The following CENPP variants were observed in gnomAD, a reference collection of about 807,000 sequenced individuals.
CENPP encodes the protein centromere protein P.
In CENPP, 24 loss-of-function variants were observed where a neutral mutation model predicts 35.6. The observed-to-expected ratio is 0.67, with a 90% confidence interval of 0.49 to 0.95. The LOEUF is 0.95. CENPP is among the 40% of genes least tolerant of loss of function. The pLI, the probability that CENPP is intolerant of heterozygous loss-of-function variation, is 0.00. For synonymous variants in CENPP, 120 were observed against 125.5 expected (o/e 0.96, Z 0.29); for missense variants, 332 against 345.3 (o/e 0.96, Z 0.31).
chr9:92,600,332 T>C (rs1300443335), intron 5 of CENPP: 49 of 1,513,632 alleles, frequency 3.2e-5, no homozygotes, highest in Non-Finnish European at 4.0e-5. Context: ...TGTTTGTTTA[T>C]TAAAATTCCC....
intron 5 of CENPP, among the ~76,000 whole-genome samples, chr9:92,426,326 C>T (rs1224451943): frequency 6.6e-6 from 1 of 152,116 alleles, no homozygotes; most frequent in African/African-American, 2.4e-5. Context: ...TATCTCAAAG[C>T]TGAGTGACAC....
At chr9:92,589,356 A>AT (rs201190435) in intron 5 of CENPP, among the ~76,000 whole-genome samples, 15 of 151,084 alleles carry the variant, frequency 9.9e-5, no homozygotes, top group Non-Finnish European at 2.1e-4. Context: ...AAAAAAAAAA[A>AT]TTTTTTTTTA....
At chr9:92,587,818 T>C (rs1332809557) in intron 5 of CENPP, among the ~76,000 whole-genome samples, 2 of 152,062 alleles carry the variant, frequency 1.3e-5, no homozygotes, top group African/African-American at 2.4e-5. Flanking sequence ...GTCACCTAAC[T>C]GATCACTTTA....
intron 5 of CENPP, chr9:92,600,556 G>GA: frequency 6.2e-7 from 1 of 1,612,094 alleles, no homozygotes; most frequent in Non-Finnish European, 8.5e-7. Context: ...GGCACATGGA[G>GA]AATGTTTGGC....
chr9:92,383,553 T>C (rs1842318095), intron 5 of CENPP, among the ~76,000 whole-genome samples: 1 of 152,190 alleles, frequency 6.6e-6, no homozygotes, highest in Non-Finnish European at 1.5e-5. Context: ...ATGAATATAA[T>C]GGAGACAGCA....
intron 5 of CENPP, among the ~76,000 whole-genome samples, chr9:92,488,389 T>G (rs1846109050): frequency 6.6e-6 from 1 of 152,188 alleles, no homozygotes; most frequent in Admixed American, 6.5e-5. Flanking sequence ...AATTAAGATG[T>G]TACGTTAGAC....
intron 5 of CENPP, among the ~76,000 whole-genome samples, chr9:92,421,969 A>G (rs1402404875): frequency 6.6e-6 from 1 of 152,104 alleles, no homozygotes; most frequent in Non-Finnish European, 1.5e-5. Flanking sequence ...GATATAGAAT[A>G]TTCTATACAT....
At chr9:92,530,544 ATAAT>A (rs1201124042) in intron 5 of CENPP, among the ~76,000 whole-genome samples, 1 of 152,180 alleles carries the variant, frequency 6.6e-6, no homozygotes, top group Non-Finnish European at 1.5e-5. Flanking sequence ...AATTGTCCTA[ATAAT>A]TTGCCTTGTT....
At position 92,618,115 on chromosome 9, in the gene CENPP, A is replaced by G. The variant is rs1439127134; in HGVS notation, c.*4966A>G. 5.0e-6 allele frequency: 2 copies of G among 399,688 alleles called. No homozygotes were observed. The highest frequency in any genetic ancestry group is 1.0e-5 in the Non-Finnish European group (2 of 198,882). The allele number at this position is 399,688 out of a possible 1,614,324, so 24.8% of individuals were successfully genotyped here. A position where few individuals can be genotyped will look rare whatever the true frequency, so the allele number is the denominator to read the frequency against. On this transcript the variant is annotated 3_prime_UTR_variant, in exon 8 of 8. Transcript: ENST00000375587. ...TTACTGGAACTTCACAGGTGCGGCC[A>G]CTGCGCACACCTTCCTGGAAGCAGG...
intron 5 of CENPP, among the ~76,000 whole-genome samples, chr9:92,458,490 A>G (rs1006412558): frequency 1.3e-5 from 2 of 152,208 alleles, no homozygotes; most frequent in African/African-American, 4.8e-5. Flanking sequence ...GCTGCTCAAT[A>G]TAAGTGCAAG....
chr9:92,567,380 A>C (rs933232791), intron 5 of CENPP, among the ~76,000 whole-genome samples: 5 of 92,732 alleles, frequency 5.4e-5, no homozygotes, highest in African/African-American at 2.8e-4. Flanking sequence ...ATAGATATAT[A>C]TATATATATA....
chr9:92,514,863 A>ATCCTCCTCC (rs752071573), intron 5 of CENPP: 4 of 1,608,102 alleles, frequency 2.5e-6, no homozygotes, highest in East Asian at 4.5e-5. Context: ...CCTCCTCCTC[A>ATCCTCCTCC]TCCTCCTCCT....
chr9:92,340,729 C>T (rs564532443), intron 3 of CENPP, among the ~76,000 whole-genome samples: 75 of 152,148 alleles, frequency 4.9e-4, no homozygotes, highest in Non-Finnish European at 9.6e-4. Flanking sequence ...TTTCCTATGC[C>T]TGTCTTTACT....
At position 92,619,084 on chromosome 9, in the gene CENPP, A is replaced by T. The variant is rs535839057; in HGVS notation, c.*5935A>T. On this transcript the variant is annotated 3_prime_UTR_variant, in exon 8 of 8. Transcript: ENST00000375587. ...CAGGCTTTCAAATGACTGTGGTGGT[A>T]AAAAGGCAGGTGCGCCATGCTGCCA... The T allele has an allele frequency of 4.4e-6, 1 of 224,984 alleles. No individual in the cohort carries two copies. Among genetic ancestry groups the T allele is most frequent in the Non-Finnish European group, 8.9e-6 (1 of 111,986 alleles). The allele number at this position is 224,984 out of a possible 1,614,324, so 13.9% of individuals were successfully genotyped here.
intron 4 of CENPP, among the ~76,000 whole-genome samples, chr9:92,364,394 AT>A (rs1355578829): frequency 1.3e-5 from 2 of 151,990 alleles, no homozygotes; most frequent in Admixed American, 6.6e-5. Flanking sequence ...AAAAGTCTTT[AT>A]TTCATTTTTG....
Position 92,416,680 on chromosome 9 carries a change from C to T in CENPP, c.564+36821C>T, listed in dbSNP as rs546066146. On this transcript the variant is annotated intron_variant, in intron 5 of 7. Coordinates refer to ENST00000375587, the MANE Select transcript of CENPP (RefSeq NM_001012267.3). ...AATTTCTTGGAATATAGAATGCTTGCTTCAATTTGTTGTGTCCAACACTGA... is the reference window on the plus strand; with the variant it reads ...AATTTCTTGGAATATAGAATGCTTGTTTCAATTTGTTGTGTCCAACACTGA... 1.2e-5 allele frequency: 20 copies of T among 1,610,236 alleles called. 1 individual carries two copies. The African/African-American group carries it at 2.3e-4, about 18-fold the overall frequency.
chr9:92,425,181 T>G (rs1381576963), intron 5 of CENPP, among the ~76,000 whole-genome samples: 1 of 152,236 alleles, frequency 6.6e-6, no homozygotes. Context: ...TATCATCATT[T>G]TTATCAGCTA....
intron 5 of CENPP, among the ~76,000 whole-genome samples, chr9:92,511,850 G>A (rs2131194105): frequency 6.6e-6 from 1 of 152,234 alleles, no homozygotes; most frequent in South Asian, 2.1e-4. Flanking sequence ...CTATATTCAA[G>A]GGAAAACTTG....
At chr9:92,423,381 T>C (rs1456866086) in intron 5 of CENPP, among the ~76,000 whole-genome samples, 1 of 152,158 alleles carries the variant, frequency 6.6e-6, no homozygotes, top group East Asian at 1.9e-4. Flanking sequence ...AAAGTTTCAA[T>C]TGAAATTACT....
Sources: gnomAD v4.1 joint callset for allele counts (sites outside exome capture counted in the v4.1 genomes callset) on GRCh38, gnomAD v4.1.1 for gene constraint, MANE v1.5 for transcripts, NCBI Gene and HGNC (gene_info 2026-07-23, HGNC 2026-07-21) for gene names.